BBS9: variants seen among roughly 807,000 people sequenced by gnomAD.
BBS9 encodes protein PTHB1.
In BBS9, 89 loss-of-function variants were observed where a neutral mutation model predicts 117.7. That is an observed-to-expected ratio of 0.76 (90% confidence interval 0.64 to 0.90). BBS9 has a LOEUF of 0.90. Ranked by LOEUF, BBS9 falls within the 40% of genes least tolerant of loss-of-function variation. The pLI, the probability that BBS9 is intolerant of heterozygous loss-of-function variation, is 0.00. For missense variants in BBS9, 982 were observed against 1,042.2 expected, an observed-to-expected ratio of 0.94 and a Z score of 0.80; for synonymous variants, 379 against 370.9, an observed-to-expected ratio of 1.02 and a Z score of -0.25.
At chr7:33,461,357 G>A (rs1029890072) in intron 19 of BBS9, among the ~76,000 whole-genome samples, 6 of 151,760 alleles carry the variant, frequency 4.0e-5, no homozygotes, top group Admixed American at 2.0e-4. Context: ...CTAACTTTAT[G>A]TTCATTATCA....
At chr7:33,385,740 T>A (rs1825886556) in intron 18 of BBS9, among the ~76,000 whole-genome samples, 1 of 152,088 alleles carries the variant, frequency 6.6e-6, no homozygotes, top group African/African-American at 2.4e-5. Flanking sequence ...TTAAAAACTT[T>A]ATTTTAAAAT....
chr7:33,289,418 G>T (rs1048947556), intron 9 of BBS9, among the ~76,000 whole-genome samples: 1 of 152,146 alleles, frequency 6.6e-6, no homozygotes, highest in Non-Finnish European at 1.5e-5. Flanking sequence ...AATAAAAAAT[G>T]AAAGATAAAT....
At chr7:33,502,108 A>G (rs745914566) in intron 19 of BBS9, among the ~76,000 whole-genome samples, 1 of 151,900 alleles carries the variant, frequency 6.6e-6, no homozygotes, top group South Asian at 2.1e-4. Context: ...TGGGTTTTCA[A>G]CATGTTGGCC....
intron 21 of BBS9, among the ~76,000 whole-genome samples, chr7:33,580,859 A>G (rs1265618287): frequency 6.6e-6 from 1 of 152,130 alleles, no homozygotes; most frequent in African/African-American, 2.4e-5. Context: ...TATCACTGAA[A>G]CCCGTGATTC....
chr7:33,439,453 A>G (rs1476952827), intron 19 of BBS9, among the ~76,000 whole-genome samples: 2 of 150,988 alleles, frequency 1.3e-5, no homozygotes, highest in African/African-American at 2.4e-5. Context: ...CTCAGCTTTC[A>G]TTATTTCAGA....
intron 21 of BBS9, among the ~76,000 whole-genome samples, chr7:33,568,483 T>C (rs1857264357): frequency 6.6e-6 from 1 of 152,220 alleles, no homozygotes; most frequent in African/African-American, 2.4e-5. Context: ...CCTTCTAGAC[T>C]GTAAGTTCCT....
In BBS9 at chr7:33,451,034, G is replaced by A. The variant is rs185620813; in HGVS notation, c.2116-54429G>A. 5.8e-3 allele frequency among the ~76,000 whole-genome samples: 885 copies of A among 151,732 alleles called. 12 individuals are homozygous for A. Among genetic ancestry groups the A allele is most frequent in the East Asian group, 0.031 (161 of 5,132 alleles). On this transcript the variant is annotated intron_variant, in intron 19 of 22. Coordinates refer to ENST00000242067, the MANE Select transcript of BBS9 (RefSeq NM_198428.3). ...CTCCCGAGTAGCTGGGACTACAGGC[G>A]CCCGCCACCATGCCCGGCTAATTTT...
At position 33,158,259 on chromosome 7, in the gene BBS9, C is replaced by G. The variant is rs1794367217; in HGVS notation, c.328+2557C>G. Among the ~76,000 whole-genome samples, 3 of 152,086 alleles carry G rather than the reference C, an allele frequency of 2.0e-5. No individual in the cohort carries two copies. In the South Asian group the frequency reaches 6.2e-4, roughly 32 times the overall value. ...TGTTGTCAAAGTGACCTCTGATTTT[C>G]CAGAGAATTTTTTGGTTTAAATCAG... is the stretch of plus-strand genomic sequence containing the variant. On this transcript the variant is annotated intron_variant, in intron 4 of 22. Transcript: ENST00000242067.
chr7:33,298,287 T>C (rs1805681645), intron 9 of BBS9, among the ~76,000 whole-genome samples: 1 of 152,142 alleles, frequency 6.6e-6, no homozygotes, highest in Non-Finnish European at 1.5e-5. Context: ...TCTGAGACCT[T>C]GGGCAAGCTA....
intron 21 of BBS9, among the ~76,000 whole-genome samples, chr7:33,625,571 T>C (rs190669673): frequency 3.3e-4 from 51 of 152,350 alleles, no homozygotes; most frequent in African/African-American, 1.2e-3. Flanking sequence ...TCACTGCTGG[T>C]GCAAGGGTCA....
chr7:33,579,388 G>C lies in BBS9; in HGVS notation c.2522-25477G>C, dbSNP rs140651417. 2.6e-3 allele frequency among the ~76,000 whole-genome samples: 396 copies of C among 152,036 alleles called. 3 individuals carry two copies. Among genetic ancestry groups the C allele is most frequent in the African/African-American group, 8.9e-3 (371 of 41,488 alleles). ...ACCAAGCCATCCACTGTCTCAAGTT[G>C]GTCTTATTTATTTGTGTCATGCAAA... On this transcript the variant is annotated intron_variant, in intron 21 of 22. Transcript: ENST00000242067.
At chr7:33,344,729 T>C in intron 12 of BBS9, 95 bp downstream of exon 12, 1 of 1,292,454 alleles carries the variant, frequency 7.7e-7, no homozygotes, top group Non-Finnish European at 1.1e-6. Context: ...CTTACAGAAA[T>C]GTAAAATAAA....
chr7:33,139,450 C>G (rs1330666598), intron 1 of BBS9, among the ~76,000 whole-genome samples: 1 of 150,266 alleles, frequency 6.7e-6, no homozygotes, highest in African/African-American at 2.4e-5. Flanking sequence ...TTCATTCTAG[C>G]AAGCTGAAAA....
chr7:33,258,981 A>G (rs1797532091), intron 6 of BBS9, among the ~76,000 whole-genome samples: 2 of 152,224 alleles, frequency 1.3e-5, no homozygotes, highest in South Asian at 4.1e-4. Flanking sequence ...TGGCTCATTT[A>G]TAATGGTAAA....
chr7:33,400,308 C>T (rs945458780), intron 19 of BBS9, among the ~76,000 whole-genome samples: 2 of 151,946 alleles, frequency 1.3e-5, no homozygotes, highest in East Asian at 1.9e-4. Flanking sequence ...TTAATGGGCT[C>T]ATTATGTGGA....
At chr7:33,330,770 C>T (rs1272941546) in intron 9 of BBS9, among the ~76,000 whole-genome samples, 1 of 152,110 alleles carries the variant, frequency 6.6e-6, no homozygotes. Flanking sequence ...ATATCTTTGA[C>T]CCTGATTCTT....
chr7:33,264,241 A>C (rs753398881), intron 6 of BBS9, 49 bp from the exon 7 acceptor site: 3 of 979,448 alleles, frequency 3.1e-6, no homozygotes, highest in Non-Finnish European at 2.8e-6. Context: ...ATAATTTATA[A>C]TTTTTAATTA....
rs1209078611 is a variant in BBS9 at position 33,250,346 on chromosome 7, G to C, written c.443-6890G>C. 5.3e-5 allele frequency among the ~76,000 whole-genome samples: 8 copies of C among 152,290 alleles called. No individual in the cohort carries two copies. In the South Asian group the frequency reaches 8.3e-4, roughly 16 times the overall value. ...GTAAATGGCTGTAGTAGTTAATATT[G>C]CTGTTGTTCCATATTTCTTACAGCT... On this transcript the variant is annotated intron_variant, in intron 5 of 22. Coordinates refer to ENST00000242067, the MANE Select transcript of BBS9 (RefSeq NM_198428.3).
intron 21 of BBS9, among the ~76,000 whole-genome samples, chr7:33,629,310 G>A (rs1865781716): frequency 6.6e-6 from 1 of 152,108 alleles, no homozygotes; most frequent in Non-Finnish European, 1.5e-5. Flanking sequence ...GCATGGGGGG[G>A]TTCTTGCTAA....
Sources: allele counts gnomAD v4.1 joint callset (sites outside exome capture counted in the v4.1 genomes callset), GRCh38; gene constraint gnomAD v4.1.1; transcripts MANE v1.5; gene names NCBI Gene and HGNC (gene_info 2026-07-23, HGNC 2026-07-21).